FGF2: variants seen among roughly 807,000 people sequenced by gnomAD.
FGF2 encodes the protein fibroblast growth factor 2, also known as basic fibroblast growth factor bFGF.
A neutral mutation model predicts 15.9 loss-of-function variants in FGF2; 13 were observed. The observed-to-expected ratio is 0.82, with a 90% CI of 0.53 to 1.30. The LOEUF is 1.30. Ranked by LOEUF, FGF2 falls within the 50% of genes most tolerant of loss-of-function variation. The pLI, the probability that FGF2 is intolerant of heterozygous loss-of-function variation, is 0.00. For synonymous variants in FGF2, 90 were observed against 78.4 expected, an observed-to-expected ratio of 1.15 and a Z score of -0.78; for missense variants, 163 against 196.9, an observed-to-expected ratio of 0.83 and a Z score of 1.03.
intron 1 of FGF2, among the ~76,000 whole-genome samples, chr4:122,873,745 GA>G (rs1368852557): frequency 2.6e-5 from 4 of 152,106 alleles, no homozygotes; most frequent in Non-Finnish European, 5.9e-5. Context: ...AGTTTTTATA[GA>G]AAATCTATGA....
chr4:122,850,755 CA>C (rs1472187221), intron 1 of FGF2, among the ~76,000 whole-genome samples: 3 of 152,082 alleles, frequency 2.0e-5, no homozygotes, highest in Non-Finnish European at 2.9e-5. Context: ...CCAAATCTCA[CA>C]AGAAGAAGGG....
intron 1 of FGF2, among the ~76,000 whole-genome samples, chr4:122,830,239 G>A (rs1393833184): frequency 6.6e-6 from 1 of 152,240 alleles, no homozygotes; most frequent in Non-Finnish European, 1.5e-5. Context: ...AAGGACTGGA[G>A]TTTGGGGAGG....
At chr4:122,874,491 T>G (rs1726800330) in intron 1 of FGF2, among the ~76,000 whole-genome samples, 2 of 152,206 alleles carry the variant, frequency 1.3e-5, no homozygotes. Context: ...TTCAACAAAA[T>G]TCTAAGATTG....
intron 1 of FGF2, among the ~76,000 whole-genome samples, chr4:122,838,134 T>G (rs1345211222): frequency 6.6e-6 from 1 of 152,148 alleles, no homozygotes; most frequent in Non-Finnish European, 1.5e-5. Context: ...AGAGACACCC[T>G]CAGCTGTTAA....
At chr4:122,830,588 A>G (rs1725743603) in intron 1 of FGF2, among the ~76,000 whole-genome samples, 1 of 151,936 alleles carries the variant, frequency 6.6e-6, no homozygotes, top group Admixed American at 6.6e-5. Flanking sequence ...TGTGCGCTGC[A>G]CTCCTGCCTT....
intron 1 of FGF2, among the ~76,000 whole-genome samples, chr4:122,853,356 A>G (rs1466382050): frequency 6.6e-6 from 1 of 152,196 alleles, no homozygotes; most frequent in Admixed American, 6.5e-5. Context: ...TATGCCCTCC[A>G]CCCTCCAGAA....
In FGF2 at chr4:122,895,200, T is replaced by C. The variant is rs1727313004; in HGVS notation, c.*2804T>C. The C allele has an allele frequency of 2.0e-5, 3 of 152,252 alleles. No individual in the cohort carries two copies. In the South Asian group the frequency reaches 6.2e-4, roughly 32 times the overall value. 9.4% of individuals were successfully genotyped at this position (152,252 alleles called of 1,614,324 possible). A position where few individuals can be genotyped will look rare whatever the true frequency, so the allele number is the denominator to read the frequency against. ...GATGAATTGAAATTTTTAATCAAGA[T>C]AGTGTGCTTTATTCTGTTGTATTTT... On this transcript the variant is annotated 3_prime_UTR_variant, in exon 3 of 3. Coordinates refer to ENST00000644866, the MANE Select transcript of FGF2 (RefSeq NM_001361665.2).
At chr4:122,826,769 C>T (rs1261984547), upstream of FGF2, 2 of 1,319,358 alleles carry the variant, frequency 1.5e-6, no homozygotes, top group Non-Finnish European at 2.0e-6. Context: ...ACTGGGGGCG[C>T]GGGAGGCTGG....
intron 1 of FGF2, among the ~76,000 whole-genome samples, chr4:122,875,732 GGGA>G (rs1476337653): frequency 6.6e-6 from 1 of 152,200 alleles, no homozygotes; most frequent in Non-Finnish European, 1.5e-5. Context: ...GTGTGAACCT[GGGA>G]GGCAGAGGTT....
chr4:122,888,436 A>G (rs1727102256), intron 2 of FGF2, among the ~76,000 whole-genome samples: 1 of 152,198 alleles, frequency 6.6e-6, no homozygotes, highest in African/African-American at 2.4e-5. Flanking sequence ...TTTTCTGCTG[A>G]AAAGACTCCA....
chr4:122,832,247 G>T (rs142398304), intron 1 of FGF2, among the ~76,000 whole-genome samples: 10 of 152,196 alleles, frequency 6.6e-5, no homozygotes, highest in Non-Finnish European at 1.3e-4. Context: ...TATCTTTGGG[G>T]CACATATCTT....
At chr4:122,852,210 G>C (rs1726246361) in intron 1 of FGF2, among the ~76,000 whole-genome samples, 1 of 152,190 alleles carries the variant, frequency 6.6e-6, no homozygotes, top group African/African-American at 2.4e-5. Flanking sequence ...GTATAATTTA[G>C]AATGTGTCAT....
rs937111937 is a variant in FGF2, at chr4:122,897,766, C to A, written c.*5370C>A. On this transcript the variant is annotated 3_prime_UTR_variant, in exon 3 of 3. Transcript: ENST00000644866. ...TTCACAAAATCCACCTATAATTGGT[C>A]AAAGTGGTTGAGAATATATTTTTTA... 4 of 916,388 alleles carry A rather than the reference C, an allele frequency of 4.4e-6. No individual in the cohort carries two copies. The highest frequency in any genetic ancestry group is 4.2e-5 in the South Asian group (3 of 70,684). The allele number at this position is 916,388 out of a possible 1,614,324, so 56.8% of individuals were successfully genotyped here. A position where few individuals can be genotyped will look rare whatever the true frequency, so the allele number is the denominator to read the frequency against.
intron 1 of FGF2, among the ~76,000 whole-genome samples, chr4:122,851,267 A>G (rs1726226170): frequency 6.6e-6 from 1 of 152,172 alleles, no homozygotes; most frequent in Non-Finnish European, 1.5e-5. Flanking sequence ...CAATTTACCA[A>G]CCTGTGACCC....
intron 1 of FGF2, among the ~76,000 whole-genome samples, chr4:122,828,521 C>A (rs753917844): frequency 2.0e-5 from 3 of 152,102 alleles, no homozygotes; most frequent in South Asian, 2.1e-4. Context: ...GGGGTCCCAG[C>A]GCCACTCCCC....
At chr4:122,859,031 G>A (rs1019037351) in intron 1 of FGF2, among the ~76,000 whole-genome samples, 3 of 152,198 alleles carry the variant, frequency 2.0e-5, no homozygotes, top group Non-Finnish European at 4.4e-5. Context: ...GGTTATGTGA[G>A]TACTTGTTCT....
chr4:122,863,371 A>G (rs1290698086), intron 1 of FGF2, among the ~76,000 whole-genome samples: 1 of 152,136 alleles, frequency 6.6e-6, no homozygotes, highest in Non-Finnish European at 1.5e-5. Context: ...ATTACTTGCT[A>G]AAGAAATTGG....
Position 122,853,925 on chromosome 4 carries a change from A to T in FGF2, c.179-22396A>T, listed in dbSNP as rs947699157. 2.0e-5 allele frequency among the ~76,000 whole-genome samples: 3 copies of T among 152,252 alleles called. No homozygotes were observed. The South Asian group carries it at 6.2e-4, about 32-fold the overall frequency. The stretch of plus-strand genomic sequence containing the variant: ...GATGCAGAATGCAGTTTTGTTAATT[A>T]TCTTCACTATTAAAAATAGACATTT... On this transcript the variant is annotated intron_variant, in intron 1 of 2. Transcript: ENST00000644866.
intron 2 of FGF2, among the ~76,000 whole-genome samples, chr4:122,886,149 G>C (rs1375411310): frequency 1.3e-5 from 2 of 151,950 alleles, no homozygotes; most frequent in African/African-American, 4.8e-5. Context: ...TCGAACTCCT[G>C]GGCTCAAGAA....
Sources: allele counts gnomAD v4.1 joint callset (sites outside exome capture counted in the v4.1 genomes callset), GRCh38; gene constraint gnomAD v4.1.1; transcripts MANE v1.5; gene names NCBI Gene and HGNC (gene_info 2026-07-23, HGNC 2026-07-21).